Variants in UBP1 observed in about 807,000 individuals in gnomAD.
UBP1 encodes upstream-binding protein 1.
UBP1 carries 22 observed loss-of-function variants against 76.1 expected under a neutral mutation model. The observed-to-expected ratio is 0.29, with a 90% CI of 0.21 to 0.41. The LOEUF is 0.41. Among genes scored for constraint, UBP1 ranks in the 10% least tolerant of loss-of-function variants. The probability of loss-of-function intolerance (pLI) is 1.00; values close to 1 mark genes in which losing one functional copy is unlikely to be tolerated. For synonymous variants in UBP1, 224 were observed against 237.1 expected (o/e 0.94, Z 0.51); for missense variants, 436 against 668.1 (o/e 0.65, Z 3.83).
In UBP1 at chr3:33,389,303, TTTGA is replaced by T. The variant is rs1257513964; in HGVS notation, c.*1024_*1027del. On this transcript the variant is annotated 3_prime_UTR_variant, in exon 16 of 16. Coordinates refer to ENST00000283629, the MANE Select transcript of UBP1 (RefSeq NM_014517.5). ...GGGATTTGTATGGTACATTTTAGTG[TTTGA>T]TTGATAACATCTAGTGTTTCCAGAA... 2.6e-5 allele frequency: 4 copies of T among 152,578 alleles called. No individual in the cohort carries two copies. Among genetic ancestry groups the T allele is most frequent in the Non-Finnish European group, 5.9e-5 (4 of 68,040 alleles). The allele number at this position is 152,578 out of a possible 1,614,324, so 9.5% of individuals were successfully genotyped here.
At chr3:33,439,476 T>C (rs1165916305) in intron 1 of UBP1, among the ~76,000 whole-genome samples, 2 of 152,180 alleles carry the variant, frequency 1.3e-5, no homozygotes, top group Admixed American at 6.5e-5. Context: ...TAGCTGGGCG[T>C]GTTTTACAGC....
intron 12 of UBP1, chr3:33,396,677 G>C (rs1205333719): frequency 4.7e-6 from 2 of 428,030 alleles, no homozygotes; most frequent in African/African-American, 4.0e-5. Context: ...TTCACAATTA[G>C]TTTACATTTT....
Position 33,420,859 on chromosome 3 carries a change from A to G in UBP1, c.266-4025T>C, listed in dbSNP as rs557281378. ...GCTGTTATCGAACTCCCAACCTCAG[A>G]TGATCCACCCTCTTCGGCCTCCCAA... On this transcript the variant is annotated intron_variant, in intron 2 of 15. Coordinates refer to ENST00000283629, the MANE Select transcript of UBP1 (RefSeq NM_014517.5). Among the ~76,000 whole-genome samples the G allele has an allele frequency of 1.1e-4, 17 of 152,246 alleles. No homozygotes were observed. The South Asian group carries it at 3.5e-3, about 32-fold the overall frequency.
chr3:33,439,966 G>C lies in UBP1; in HGVS notation c.-118C>G. ...GGTGAAGCCTCCGGAGGGGCGGCGA[G>C]TGGTCACCAGCGGCGGCCGGGACGA... is the stretch of plus-strand genomic sequence containing the variant. On this transcript the variant is annotated 5_prime_UTR_variant, in exon 1 of 16. Coordinates refer to ENST00000283629, the MANE Select transcript of UBP1 (RefSeq NM_014517.5). 9.2e-7 allele frequency: 1 copy of C among 1,089,088 alleles called. No homozygotes were observed. Among genetic ancestry groups the C allele is most frequent in the Non-Finnish European group, 1.3e-6 (1 of 777,260 alleles). 67.5% of individuals were successfully genotyped at this position (1,089,088 alleles called of 1,614,324 possible). A position where few individuals can be genotyped will look rare whatever the true frequency, so the allele number is the denominator to read the frequency against.
intron 3 of UBP1, chr3:33,414,243 G>C (rs2044671315): frequency 6.6e-6 from 1 of 151,944 alleles, no homozygotes; most frequent in Non-Finnish European, 1.5e-5. Context: ...AAAAAGAAAG[G>C]AATGAAAAGG....
At chr3:33,427,469 AACT>A in intron 1 of UBP1, among the ~76,000 whole-genome samples, 1 of 152,366 alleles carries the variant, frequency 6.6e-6, no homozygotes, top group South Asian at 2.1e-4. Flanking sequence ...TCAAATGAAT[AACT>A]ACTGTATCAA....
Position 33,400,359 on chromosome 3 carries a change from C to T in UBP1, c.1087-77G>A, listed in dbSNP as rs571183138. The T allele has an allele frequency of 1.3e-5, 16 of 1,208,434 alleles. No individual in the cohort carries two copies. The Admixed American group carries it at 1.4e-4, about 11-fold the overall frequency. The allele number at this position is 1,208,434 out of a possible 1,614,324, so 74.9% of individuals were successfully genotyped here. ...CATTTAAACAAAACACAGAAAGCCT[C>T]GGAGTCTGAAGTAAAAAACACCCAA... is the stretch of plus-strand genomic sequence containing the variant. On this transcript the variant is annotated intron_variant, in intron 10 of 15. Coordinates refer to ENST00000283629, the MANE Select transcript of UBP1 (RefSeq NM_014517.5).
In UBP1 at chr3:33,400,290, C is replaced by T; in HGVS notation, c.1087-8G>A. The T allele has an allele frequency of 6.3e-7, 1 of 1,586,240 alleles. No homozygotes were observed. ...AGCTGAAGGCTGAATTTGCTATTAA[C>T]AATGAAAATGAACATAAATAAAAGG... On this transcript the variant is annotated splice_region_variant and splice_polypyrimidine_tract_variant and intron_variant, in intron 10 of 15. Transcript: ENST00000283629.
At chr3:33,433,788 C>G (rs902647366) in intron 1 of UBP1, among the ~76,000 whole-genome samples, 2 of 152,094 alleles carry the variant, frequency 1.3e-5, no homozygotes, top group African/African-American at 2.4e-5. Context: ...TGTGGCCCAC[C>G]TGTGGGTCCA....
intron 9 of UBP1, 25 bp downstream of exon 9, chr3:33,402,776 G>T: frequency 1.4e-6 from 2 of 1,476,586 alleles, no homozygotes; most frequent in Non-Finnish European, 1.8e-6. Flanking sequence ...TTAGCTGCAG[G>T]CACACGATCA....
intron 1 of UBP1, among the ~76,000 whole-genome samples, chr3:33,436,428 T>C (rs2045205747): frequency 2.0e-5 from 3 of 152,240 alleles, no homozygotes; most frequent in African/African-American, 4.8e-5. Context: ...TTGTAAACTA[T>C]GGATGTACCT....
chr3:33,435,603 T>C (rs2045191846), intron 1 of UBP1, among the ~76,000 whole-genome samples: 1 of 152,212 alleles, frequency 6.6e-6, no homozygotes, highest in Admixed American at 6.5e-5. Flanking sequence ...TGTACCACTG[T>C]ACTCCAGTGT....
At chr3:33,412,482 C>G (rs2044614887) in intron 4 of UBP1, among the ~76,000 whole-genome samples, 1 of 151,426 alleles carries the variant, frequency 6.6e-6, no homozygotes, top group African/African-American at 2.4e-5. Context: ...ACTTGGGAGG[C>G]TAAGGCAGGA....
At chr3:33,417,345 G>A (rs572890083) in intron 2 of UBP1, among the ~76,000 whole-genome samples, 3 of 140,470 alleles carry the variant, frequency 2.1e-5, no homozygotes, top group East Asian at 4.3e-4. Flanking sequence ...CTGCCTCTAC[G>A]ATTTGCCCAC....
At chr3:33,439,598 G>T in intron 1 of UBP1, 138 bp downstream of exon 1, 1 of 912,478 alleles carries the variant, frequency 1.1e-6, no homozygotes, top group Non-Finnish European at 1.6e-6. Context: ...GCCCCCGACC[G>T]CCACGCGGCA....
chr3:33,416,896 A>T, intron 2 of UBP1, 62 bp from the exon 3 acceptor site: 1 of 1,350,104 alleles, frequency 7.4e-7, no homozygotes, highest in Non-Finnish European at 1.1e-6. Flanking sequence ...TGCTTAACAT[A>T]ATTCAAAATG....
chr3:33,388,653 CTTTCCCCAGTGACTG>C lies in UBP1; in HGVS notation c.*1663_*1677del, dbSNP rs903218568. The C allele has an allele frequency of 2.3e-4, 35 of 152,306 alleles. No individual in the cohort carries two copies. The highest frequency in any genetic ancestry group is 7.9e-4 in the African/African-American group (33 of 41,558). 9.4% of individuals were successfully genotyped at this position (152,306 alleles called of 1,614,324 possible). A position where few individuals can be genotyped will look rare whatever the true frequency, so the allele number is the denominator to read the frequency against. ...TAAAACAAACGAGATAAACTCACTT[CTTTCCCCAGTGACTG>C]GTACAGAAAACATGTGGTCACACGA... On this transcript the variant is annotated 3_prime_UTR_variant, in exon 16 of 16. Transcript: ENST00000283629.
intron 12 of UBP1, 103 bp from the exon 13 acceptor site, chr3:33,396,383 A>T: frequency 2.4e-6 from 2 of 847,922 alleles, no homozygotes; most frequent in Non-Finnish European, 3.6e-6. Flanking sequence ...CCTTATGAGA[A>T]CTTTATAATG....
At chr3:33,437,279 G>C (rs2045219014) in intron 1 of UBP1, among the ~76,000 whole-genome samples, 1 of 151,146 alleles carries the variant, frequency 6.6e-6, no homozygotes, top group South Asian at 2.1e-4. Context: ...AAAGAGAAGG[G>C]GGTCTCATTC....
Sources: allele counts gnomAD v4.1 joint callset (sites outside exome capture counted in the v4.1 genomes callset), GRCh38; gene constraint gnomAD v4.1.1; transcripts MANE v1.5; gene names NCBI Gene and HGNC (gene_info 2026-07-23, HGNC 2026-07-21).